Variants in SLC24A2 observed in about 807,000 individuals in gnomAD.
The protein encoded by SLC24A2 is sodium/potassium/calcium exchanger 2.
A neutral mutation model predicts 62.0 loss-of-function variants in SLC24A2; 36 were observed. The ratio of observed to expected loss-of-function variants is 0.58; its 90% CI spans 0.44 to 0.77. The LOEUF (loss-of-function observed/expected upper bound fraction) is 0.77. Among genes scored for constraint, SLC24A2 ranks in the 30% least tolerant of loss-of-function variants. SLC24A2 has a pLI of 0.00. For synonymous variants in SLC24A2, 358 were observed against 294.0 expected, an observed-to-expected ratio of 1.22 and a Z score of -2.23; for missense variants, 846 against 817.9, an observed-to-expected ratio of 1.03 and a Z score of -0.42.
chr9:20,106,104 T>A, the SLC24A2 span, among the ~76,000 whole-genome samples: 51 of 152,120 alleles, frequency 3.4e-4, no homozygotes, highest in African/African-American at 1.2e-3. Context: ...CTAGAAGAAA[T>A]GGATAAATTC....
At chr9:20,006,536 G>A in the SLC24A2 span, among the ~76,000 whole-genome samples, 1 of 152,028 alleles carries the variant, frequency 6.6e-6, no homozygotes, top group African/African-American at 2.4e-5. Context: ...ATCTGGCTGT[G>A]ATTATTAAGC....
At chr9:19,557,623 C>A (rs1430934462) in intron 7 of SLC24A2, among the ~76,000 whole-genome samples, 1 of 152,146 alleles carries the variant, frequency 6.6e-6, no homozygotes, top group African/African-American at 2.4e-5. Flanking sequence ...ATGCAGCTGC[C>A]ACAGCTCTGA....
intron 2 of SLC24A2, among the ~76,000 whole-genome samples, chr9:19,687,807 G>A (rs1819928149): frequency 6.6e-6 from 1 of 152,030 alleles, no homozygotes; most frequent in Non-Finnish European, 1.5e-5. Context: ...CCTATAATTT[G>A]GGTGACAAAT....
chr9:19,836,267 CA>C, the SLC24A2 span, among the ~76,000 whole-genome samples: 1 of 152,178 alleles, frequency 6.6e-6, no homozygotes, highest in East Asian at 1.9e-4. Context: ...AAAAACCCTT[CA>C]AAAAATCAAT....
At chr9:20,279,233 T>C in the SLC24A2 span, among the ~76,000 whole-genome samples, 63 of 152,328 alleles carry the variant, frequency 4.1e-4, no homozygotes, top group South Asian at 3.7e-3. Flanking sequence ...TAAGCATATA[T>C]TGTTTATTTA....
the SLC24A2 span, among the ~76,000 whole-genome samples, chr9:19,867,020 CAAT>C: frequency 1.3e-5 from 2 of 151,586 alleles, no homozygotes; most frequent in Non-Finnish European, 2.9e-5. Flanking sequence ...TGACCATGGT[CAAT>C]AATAATAATT....
the SLC24A2 span, among the ~76,000 whole-genome samples, chr9:19,795,336 A>G: frequency 2.2e-5 from 3 of 133,496 alleles, no homozygotes; most frequent in South Asian, 2.3e-4. Context: ...CATGCCCACC[A>G]TTCTCCAAAT....
chr9:20,224,226 ATAAG>A, the SLC24A2 span, among the ~76,000 whole-genome samples: 2 of 152,040 alleles, frequency 1.3e-5, no homozygotes, highest in African/African-American at 2.4e-5. Context: ...AATATGACAA[ATAAG>A]AATTTAAAAT....
chr9:20,177,742 G>A, the SLC24A2 span, among the ~76,000 whole-genome samples: 19 of 152,146 alleles, frequency 1.2e-4, no homozygotes, highest in East Asian at 3.5e-3. Context: ...TGCAAGACAA[G>A]AAAACTAGTA....
the SLC24A2 span, among the ~76,000 whole-genome samples, chr9:19,955,824 A>G: frequency 6.6e-6 from 1 of 152,210 alleles, no homozygotes; most frequent in Non-Finnish European, 1.5e-5. Context: ...GACTATAACT[A>G]TAGTTACTAT....
chr9:19,716,389 C>T (rs1330361848), intron 2 of SLC24A2, among the ~76,000 whole-genome samples: 1 of 152,174 alleles, frequency 6.6e-6, no homozygotes, highest in East Asian at 1.9e-4. Flanking sequence ...TACTATGTGC[C>T]AGGAATTGTG....
chr9:20,016,214 A>G, the SLC24A2 span, among the ~76,000 whole-genome samples: 2 of 152,180 alleles, frequency 1.3e-5, no homozygotes, highest in Non-Finnish European at 2.9e-5. Context: ...TTATTTTTTT[A>G]GCTTGATTGT....
chr9:19,786,962 T>TG lies in SLC24A2; in HGVS notation c.-97dup, dbSNP rs1180583818. 3 of 1,519,794 alleles carry TG rather than the reference T, an allele frequency of 2.0e-6. No homozygotes were observed. The African/African-American group carries it at 4.1e-5, about 21-fold the overall frequency. 94.1% of individuals were successfully genotyped at this position (1,519,794 alleles called of 1,614,324 possible). ...CTTACTTTATAGTTAACGATGCTTG[T>TG]GGGGTACTTTCACAATCAGGGATTG... On this transcript the variant is annotated 5_prime_UTR_variant, in exon 2 of 11. Transcript: ENST00000341998. This position sits in a 1 kb window ranked among gnomAD's most constrained non-coding sequence, Gnocchi z 5.0.
the SLC24A2 span, among the ~76,000 whole-genome samples, chr9:20,106,730 A>C: frequency 6.6e-6 from 1 of 152,180 alleles, no homozygotes; most frequent in African/African-American, 2.4e-5. Context: ...TGACAAACCC[A>C]CAGCCAATAC....
chr9:20,025,601 T>C, the SLC24A2 span, among the ~76,000 whole-genome samples: 1 of 152,112 alleles, frequency 6.6e-6, no homozygotes, highest in African/African-American at 2.4e-5. Flanking sequence ...ACCAGCTATC[T>C]CTGTGCTAGG....
At chr9:19,684,596 G>A (rs1191226786) in intron 2 of SLC24A2, among the ~76,000 whole-genome samples, 1 of 152,074 alleles carries the variant, frequency 6.6e-6, no homozygotes, top group African/African-American at 2.4e-5. Context: ...AACATTTTAA[G>A]GGTTTCAGGG....
chr9:19,957,018 A>G, the SLC24A2 span, among the ~76,000 whole-genome samples: 1 of 152,206 alleles, frequency 6.6e-6, no homozygotes, highest in Admixed American at 6.5e-5. Context: ...TGATGTTTAT[A>G]AGCCATCCAG....
chr9:19,560,899 A>ATG (rs1835358568), intron 7 of SLC24A2, among the ~76,000 whole-genome samples: 1 of 120,518 alleles, frequency 8.3e-6, no homozygotes, highest in Non-Finnish European at 1.8e-5. Flanking sequence ...GTGTGTGTGT[A>ATG]TATATATATA....
At chr9:19,727,150 G>A (rs1816166731) in intron 2 of SLC24A2, among the ~76,000 whole-genome samples, 2 of 152,114 alleles carry the variant, frequency 1.3e-5, no homozygotes, top group South Asian at 4.1e-4. Context: ...CCATTCCTAG[G>A]TTCTTCCTAT....
Sources: gnomAD v4.1 joint callset for allele counts (sites outside exome capture counted in the v4.1 genomes callset) on GRCh38, gnomAD v4.1.1 for gene constraint, Gnocchi (gnomAD v3.1) non-coding constraint, MANE v1.5 for transcripts, NCBI Gene and HGNC (gene_info 2026-07-23, HGNC 2026-07-21) for gene names.